The following CDH12 variants were observed in gnomAD, a reference collection of about 807,000 sequenced individuals.
CDH12 encodes cadherin-12.
A neutral mutation model predicts 74.1 loss-of-function variants in CDH12; 41 were observed. That is an observed-to-expected ratio of 0.55 (90% CI 0.43 to 0.72). The LOEUF (loss-of-function observed/expected upper bound fraction) is 0.72, where lower values mean the gene tolerates loss of function less well. Ranked by LOEUF, CDH12 falls within the 30% of genes least tolerant of loss-of-function variation. The probability of loss-of-function intolerance (pLI) is 0.00; values close to 1 mark genes in which losing one functional copy is unlikely to be tolerated. For synonymous variants in CDH12, 399 were observed against 355.0 expected (o/e 1.12, Z -1.39); for missense variants, 945 against 977.2 (o/e 0.97, Z 0.44).
chr5:22,801,684 T>TACAC (rs1363188021), intron 1 of CDH12, among the ~76,000 whole-genome samples: 1 of 89,296 alleles, frequency 1.1e-5, no homozygotes, highest in Non-Finnish European at 2.0e-5. Flanking sequence ...TATATATATA[T>TACAC]ACACTTTGTT....
chr5:22,108,824 T>C (rs1479972533), intron 4 of CDH12, among the ~76,000 whole-genome samples: 1 of 152,176 alleles, frequency 6.6e-6, no homozygotes, highest in Non-Finnish European at 1.5e-5. Flanking sequence ...AGGCTCATAA[T>C]GAATTTGGAA....
chr5:22,223,982 AG>A (rs1752103898), intron 3 of CDH12, among the ~76,000 whole-genome samples: 1 of 152,056 alleles, frequency 6.6e-6, no homozygotes, highest in Non-Finnish European at 1.5e-5. Context: ...GAAGAGAGGC[AG>A]GTAGGAAATA....
Position 22,078,485 on chromosome 5 carries a change from C to A in CDH12, c.192G>T (p.Leu64=). ...GAGGCTCGGAGCCCACGTATTCTTCCAGCACAAAAAATTGATTCCATACCC... is the reference window on the plus strand; with the variant it reads ...GAGGCTCGGAGCCCACGTATTCTTCAAGCACAAAAAATTGATTCCATACCC... ...RGWVWNQFFV[L]EEYVGSEPQY... is the part of the protein sequence containing the mutation. Residue 64 remains leucine, a synonymous_variant, in exon 5 of 15, where the codon CTG becomes CTT. Coordinates refer to ENST00000382254, the MANE Select transcript of CDH12 (RefSeq NM_004061.5). 4 of 1,613,866 alleles carry A rather than the reference C, an allele frequency of 2.5e-6. No homozygotes were observed. Among genetic ancestry groups the A allele is most frequent in the Non-Finnish European group, 3.4e-6 (4 of 1,179,838 alleles).
intron 1 of CDH12, among the ~76,000 whole-genome samples, chr5:22,828,159 T>C (rs1405969921): frequency 6.6e-6 from 1 of 152,068 alleles, no homozygotes; most frequent in Non-Finnish European, 1.5e-5. Flanking sequence ...AACAATTACA[T>C]GGCAGCAGGT....
intron 1 of CDH12, among the ~76,000 whole-genome samples, chr5:22,622,404 C>G (rs1738022512): frequency 6.6e-6 from 1 of 152,058 alleles, no homozygotes; most frequent in Admixed American, 6.6e-5. Flanking sequence ...GCTGGGAACC[C>G]TGCACAGGGC....
chr5:22,542,605 T>C (rs1738155643), intron 1 of CDH12, among the ~76,000 whole-genome samples: 1 of 152,166 alleles, frequency 6.6e-6, no homozygotes, highest in African/African-American at 2.4e-5. Flanking sequence ...ACACTGACAG[T>C]TCGTGTTTAT....
intron 3 of CDH12, among the ~76,000 whole-genome samples, chr5:22,370,692 A>G (rs1741250086): frequency 6.6e-6 from 1 of 152,172 alleles, no homozygotes; most frequent in Non-Finnish European, 1.5e-5. Context: ...CAAAGGAGAG[A>G]TGAAATAGGA....
At chr5:22,044,210 T>C (rs1369961946) in intron 5 of CDH12, among the ~76,000 whole-genome samples, 1 of 152,126 alleles carries the variant, frequency 6.6e-6, no homozygotes, top group African/African-American at 2.4e-5. Context: ...GACATGGTAC[T>C]GGCAAAAAAC....
chr5:22,623,664 A>G (rs1738107376), intron 1 of CDH12, among the ~76,000 whole-genome samples: 1 of 152,208 alleles, frequency 6.6e-6, no homozygotes, highest in Non-Finnish European at 1.5e-5. Flanking sequence ...GAAATAAAAG[A>G]GGACACAAAC....
intron 3 of CDH12, among the ~76,000 whole-genome samples, chr5:22,338,594 T>C (rs1346607488): frequency 6.6e-6 from 1 of 152,188 alleles, no homozygotes; most frequent in African/African-American, 2.4e-5. Flanking sequence ...ACATGAAGGA[T>C]AAATGCTTGA....
intron 1 of CDH12, among the ~76,000 whole-genome samples, chr5:22,565,872 CA>C: frequency 6.6e-6 from 1 of 151,838 alleles, no homozygotes; most frequent in Non-Finnish European, 1.5e-5. Context: ...TATCAGGACA[CA>C]AAAAACAACA....
chr5:22,329,164 A>C (rs1383380384), intron 3 of CDH12, among the ~76,000 whole-genome samples: 1 of 152,214 alleles, frequency 6.6e-6, no homozygotes, highest in Non-Finnish European at 1.5e-5. Context: ...TGATATCATA[A>C]AAATTAATGC....
intron 3 of CDH12, among the ~76,000 whole-genome samples, chr5:22,275,072 T>C (rs1444037415): frequency 2.0e-5 from 3 of 152,066 alleles, no homozygotes; most frequent in African/African-American, 7.2e-5. Flanking sequence ...TGGTAGCTCT[T>C]AGGCAAACAA....
chr5:22,503,631 C>A (rs1292573605), intron 2 of CDH12, among the ~76,000 whole-genome samples: 4 of 152,020 alleles, frequency 2.6e-5, no homozygotes, highest in African/African-American at 9.7e-5. Flanking sequence ...AATGAACATG[C>A]CAATTTCTTT....
At chr5:22,527,600 C>T (rs944577375) in intron 1 of CDH12, among the ~76,000 whole-genome samples, 1 of 152,098 alleles carries the variant, frequency 6.6e-6, no homozygotes, top group Non-Finnish European at 1.5e-5. Context: ...GAAGAGTGAT[C>T]ACAGAGCACT....
At chr5:21,947,960 G>A (rs1294708281) in intron 6 of CDH12, among the ~76,000 whole-genome samples, 1 of 152,226 alleles carries the variant, frequency 6.6e-6, no homozygotes, top group Non-Finnish European at 1.5e-5. Flanking sequence ...TTCAGAGGGT[G>A]CAAGCCCCAA....
At chr5:22,140,939 TATCCTC>T (rs1325407108) in intron 4 of CDH12, among the ~76,000 whole-genome samples, 1 of 152,210 alleles carries the variant, frequency 6.6e-6, no homozygotes, top group Non-Finnish European at 1.5e-5. Context: ...TGCTCACTGT[TATCCTC>T]AGCCTGAAAT....
intron 1 of CDH12, among the ~76,000 whole-genome samples, chr5:22,636,522 G>T (rs1738849433): frequency 6.6e-6 from 1 of 152,240 alleles, no homozygotes; most frequent in African/African-American, 2.4e-5. Flanking sequence ...CCTCAGTATA[G>T]ATGTACAATG....
intron 1 of CDH12, among the ~76,000 whole-genome samples, chr5:22,542,629 C>T (rs968167777): frequency 2.6e-5 from 4 of 152,064 alleles, no homozygotes; most frequent in African/African-American, 9.7e-5. Flanking sequence ...CCTTTGGCTG[C>T]AGTGGGGAAC....
Sources: allele counts gnomAD v4.1 joint callset (sites outside exome capture counted in the v4.1 genomes callset), GRCh38; gene constraint gnomAD v4.1.1; transcripts MANE v1.5; gene names NCBI Gene and HGNC (gene_info 2026-07-23, HGNC 2026-07-21).